NDUFAF2: variants seen among roughly 807,000 people sequenced by gnomAD.
NDUFAF2 encodes NADH:ubiquinone oxidoreductase complex assembly factor 2.
Under a neutral mutation model 22.8 loss-of-function variants are expected in NDUFAF2, and 13 were observed. The observed-to-expected ratio is 0.57, with a 90% CI of 0.37 to 0.91. NDUFAF2 has a LOEUF of 0.91. NDUFAF2 is among the 40% of genes least tolerant of loss of function. The pLI is 0.01. For missense variants in NDUFAF2, 162 were observed against 195.2 expected (o/e 0.83, Z 1.01); for synonymous variants, 53 against 64.2 (o/e 0.83, Z 0.84).
intron 1 of NDUFAF2, among the ~76,000 whole-genome samples, chr5:60,966,570 G>T (rs1208284285): frequency 1.3e-5 from 2 of 152,034 alleles, no homozygotes; most frequent in African/African-American, 4.8e-5. Context: ...TCATTCTTTT[G>T]CATGTGGATA....
intron 1 of NDUFAF2, among the ~76,000 whole-genome samples, chr5:61,004,025 G>C (rs1396291867): frequency 1.3e-5 from 2 of 150,518 alleles, no homozygotes; most frequent in Non-Finnish European, 3.0e-5. Flanking sequence ...TTTTTTTCTT[G>C]AAAACATTGC....
At chr5:60,967,975 C>T (rs1346041478) in intron 1 of NDUFAF2, among the ~76,000 whole-genome samples, 3 of 151,188 alleles carry the variant, frequency 2.0e-5, no homozygotes, top group Non-Finnish European at 4.4e-5. Context: ...AGGTTATGGG[C>T]TTTTCTTTAA....
At position 60,962,949 on chromosome 5, in the gene NDUFAF2, G is replaced by A. The variant is rs1203297291; in HGVS notation, c.127+17567G>A. 5.3e-5 allele frequency among the ~76,000 whole-genome samples: 8 copies of A among 151,840 alleles called. No individual in the cohort carries two copies. The East Asian group carries it at 1.2e-3, about 22-fold the overall frequency. ...AGCCCAGGCTGGAGTGCAGTGGCGC[G>A]ATCTCGGCTCACTGCAACCTGCGCC... On this transcript the variant is annotated intron_variant, in intron 1 of 3. Coordinates refer to ENST00000296597, the MANE Select transcript of NDUFAF2 (RefSeq NM_174889.5).
At chr5:61,091,721 A>G (rs1163758927) in intron 2 of NDUFAF2, among the ~76,000 whole-genome samples, 1 of 152,064 alleles carries the variant, frequency 6.6e-6, no homozygotes, top group Non-Finnish European at 1.5e-5. Context: ...ATTGCAACAA[A>G]ATTGCAAATT....
chr5:61,151,155 A>G (rs1741232441), intron 3 of NDUFAF2, among the ~76,000 whole-genome samples: 1 of 152,202 alleles, frequency 6.6e-6, no homozygotes, highest in African/African-American at 2.4e-5. Flanking sequence ...TTTAAGTACA[A>G]ACTATTATTT....
rs114142833 is a variant in NDUFAF2 at position 61,059,923 on chromosome 5, C to T, written c.128-13202C>T. Among the ~76,000 whole-genome samples the T allele has an allele frequency of 2.4e-3, 363 of 152,154 alleles. 2 individuals are homozygous for T. The highest frequency in any genetic ancestry group is 8.4e-3 in the African/African-American group (349 of 41,528). ...GGAATAATAGCTTATGATAGTCATGCATAAGATGTTAGTTTTTAATTGGGT... is the reference window on the plus strand; with the variant it reads ...GGAATAATAGCTTATGATAGTCATGTATAAGATGTTAGTTTTTAATTGGGT... On this transcript the variant is annotated intron_variant, in intron 1 of 3. Coordinates refer to ENST00000296597, the MANE Select transcript of NDUFAF2 (RefSeq NM_174889.5).
chr5:61,151,432 G>C (rs1263787666), intron 3 of NDUFAF2, among the ~76,000 whole-genome samples: 4 of 151,892 alleles, frequency 2.6e-5, no homozygotes, highest in Admixed American at 2.6e-4. Flanking sequence ...GATAATACAG[G>C]TAAGCAAAAA....
intron 1 of NDUFAF2, among the ~76,000 whole-genome samples, chr5:60,980,373 A>G (rs1404252516): frequency 6.6e-6 from 1 of 152,208 alleles, no homozygotes; most frequent in Non-Finnish European, 1.5e-5. Context: ...ATTCAAAATA[A>G]CTGTATTGAG....
At chr5:61,126,333 TTGACAA>T (rs1753035613) in intron 3 of NDUFAF2, among the ~76,000 whole-genome samples, 1 of 152,082 alleles carries the variant, frequency 6.6e-6, no homozygotes, top group Admixed American at 6.6e-5. Context: ...ATTATCTGTT[TTGACAA>T]TGTCTCTTCT....
chr5:61,121,111 C>T (rs1752970724), intron 3 of NDUFAF2, among the ~76,000 whole-genome samples: 1 of 152,024 alleles, frequency 6.6e-6, no homozygotes, highest in Non-Finnish European at 1.5e-5. Context: ...TATCTTTAGG[C>T]ATGCCTGATT....
At chr5:61,029,655 A>G (rs1196956679) in intron 1 of NDUFAF2, among the ~76,000 whole-genome samples, 1 of 152,078 alleles carries the variant, frequency 6.6e-6, no homozygotes, top group Non-Finnish European at 1.5e-5. Context: ...AAGTGTCTTC[A>G]CCCCAGAATG....
At chr5:60,993,239 T>C (rs943829361) in intron 1 of NDUFAF2, among the ~76,000 whole-genome samples, 5 of 152,228 alleles carry the variant, frequency 3.3e-5, no homozygotes, top group Non-Finnish European at 7.3e-5. Flanking sequence ...TAGCTGTCAC[T>C]GGGGAACGTG....
intron 3 of NDUFAF2, among the ~76,000 whole-genome samples, chr5:61,107,008 C>CCTT (rs1752772701): frequency 6.8e-6 from 1 of 146,336 alleles, no homozygotes; most frequent in South Asian, 2.2e-4. Context: ...GTACAGGTAT[C>CCTT]TCTTCGATAT....
chr5:61,065,081 G>T (rs1055605763), intron 1 of NDUFAF2, among the ~76,000 whole-genome samples: 3 of 152,028 alleles, frequency 2.0e-5, no homozygotes, highest in Non-Finnish European at 4.4e-5. Flanking sequence ...ACAAGTATAT[G>T]CCAACAAATT....
chr5:61,041,787 A>G (rs1445544870), intron 1 of NDUFAF2, among the ~76,000 whole-genome samples: 2 of 152,140 alleles, frequency 1.3e-5, no homozygotes, highest in Non-Finnish European at 2.9e-5. Flanking sequence ...TTTTTCCCAG[A>G]TATTTGTTCA....
At chr5:60,972,796 T>G (rs1750853429) in intron 1 of NDUFAF2, among the ~76,000 whole-genome samples, 1 of 148,030 alleles carries the variant, frequency 6.8e-6, no homozygotes, top group Admixed American at 6.7e-5. Flanking sequence ...TTGGTTTTCT[T>G]TTTTTTTTTT....
At chr5:61,040,303 A>ACGCGCGCGCGCGCGCGCGCGCAC (rs1561548691) in intron 1 of NDUFAF2, among the ~76,000 whole-genome samples, 2 of 137,388 alleles carry the variant, frequency 1.5e-5, no homozygotes, top group African/African-American at 5.3e-5. Context: ...CGCGCGCGCG[A>ACGCGCGCGCGCGCGCGCGCGCAC]AAGTTGAAAG....
At chr5:61,026,243 C>T (rs1751648430) in intron 1 of NDUFAF2, among the ~76,000 whole-genome samples, 1 of 152,006 alleles carries the variant, frequency 6.6e-6, no homozygotes, top group South Asian at 2.1e-4. Flanking sequence ...TAGCAGCCTG[C>T]AGGGGAGGAG....
At chr5:61,096,950 C>T (rs554599955) in intron 2 of NDUFAF2, among the ~76,000 whole-genome samples, 6 of 151,622 alleles carry the variant, frequency 4.0e-5, no homozygotes, top group Middle Eastern at 3.4e-3. Context: ...GGTAACAGAG[C>T]GAGACTGTCT....
Sources: allele counts gnomAD v4.1 joint callset (sites outside exome capture counted in the v4.1 genomes callset), GRCh38; gene constraint gnomAD v4.1.1; transcripts MANE v1.5; gene names NCBI Gene and HGNC (gene_info 2026-07-23, HGNC 2026-07-21).